MN1: variants seen among roughly 807,000 people sequenced by gnomAD.
MN1 encodes MN1 proto-oncogene, transcriptional regulator.
Under a neutral mutation model 86.9 loss-of-function variants are expected in MN1, and 19 were observed. The ratio of observed to expected loss-of-function variants is 0.22; its 90% CI spans 0.15 to 0.32. MN1 has a LOEUF of 0.32. Among genes scored for constraint, MN1 ranks in the 10% least tolerant of loss-of-function variants. The pLI is 1.00. For missense variants in MN1, 1,841 were observed against 1,862.0 expected (o/e 0.99, Z 0.21); for synonymous variants, 928 against 849.6 (o/e 1.09, Z -1.60).
At position 27,749,104 on chromosome 22, in the gene MN1, C is replaced by T. The variant is rs1932732734; in HGVS notation, c.*1811G>A. 2 of 232,020 alleles carry T rather than the reference C, an allele frequency of 8.6e-6. No individual in the cohort carries two copies. The highest frequency in any genetic ancestry group is 4.4e-5 in the African/African-American group (2 of 45,258). The allele number at this position is 232,020 out of a possible 1,614,324, so 14.4% of individuals were successfully genotyped here. A position where few individuals can be genotyped will look rare whatever the true frequency, so the allele number is the denominator to read the frequency against. On this transcript the variant is annotated 3_prime_UTR_variant, in exon 2 of 2. Transcript: ENST00000302326. ...CTGCCCTCTGAAGGCGGGGTTTGCT[C>T]CTCGTCAAGACTGCCCAGGCGAGAA...
At position 27,797,823 on chromosome 22, in the gene MN1, G is replaced by A. The variant is rs751873201; in HGVS notation, c.2721C>T (p.Pro907=). ...SSSGSKASGP[P]NPPAQGDGTS... ...TGCCGTCCCCCTGGGCTGGAGGGTT[G>A]GGCGGCCCCGAGGCTTTGGAGCCGC... The change falls in exon 1 of 2, where the codon CCC becomes CCT. Residue 907 remains proline (P), a synonymous_variant. Coordinates refer to ENST00000302326, the MANE Select transcript of MN1 (RefSeq NM_002430.3). The A allele has an allele frequency of 1.9e-6, 3 of 1,581,478 alleles. No individual in the cohort carries two copies. The highest frequency in any genetic ancestry group is 2.3e-5 in the South Asian group (2 of 87,010).
chr22:27,780,478 G>A (rs552485200), intron 1 of MN1, among the ~76,000 whole-genome samples: 17 of 152,312 alleles, frequency 1.1e-4, no homozygotes, highest in African/African-American at 4.1e-4. Context: ...CCGGCTGACA[G>A]CTGACATCAC....
rs754870343 is a variant in MN1, at chr22:27,796,749, G to A, written c.3781+14C>T. 4.5e-6 allele frequency: 7 copies of A among 1,570,368 alleles called. No homozygotes were observed. Among genetic ancestry groups the A allele is most frequent in the African/African-American group, 4.0e-5 (3 of 74,300 alleles). On this transcript the variant is annotated intron_variant, in intron 1 of 1. Coordinates refer to ENST00000302326, the MANE Select transcript of MN1 (RefSeq NM_002430.3). ...GTCACCCGGGAAGTGAGAGGAAAAC[G>A]AGTGTGCATATACCTTCTTTGCTGT... is the stretch of plus-strand genomic sequence containing the variant.
Position 27,797,113 on chromosome 22 carries a change from G to C in MN1, c.3431C>G (p.Ala1144Gly), listed in dbSNP as rs756929211. The C allele has an allele frequency of 6.3e-7, 1 of 1,594,330 alleles. No homozygotes were observed. The highest frequency in any genetic ancestry group is 1.7e-5 in the Admixed American group (1 of 57,746). The part of the protein sequence containing the change: ...QVRTPTSSSG[A>G]PPPDEIHPLE... ...GGGGTGGATCTCGTCGGGTGGCGGG[G>C]CGCCGCTGCTGCTCGTCGGGGTGCG... Residue 1144 changes from alanine (A) to glycine (G), a missense_variant, in exon 1 of 2, where the codon GCC (alanine) becomes GGC (glycine). Ala to Gly is a moderately conservative substitution (Grantham distance 60). Coordinates refer to ENST00000302326, the MANE Select transcript of MN1 (RefSeq NM_002430.3).
At chr22:27,788,456 G>A (rs796501062) in intron 1 of MN1, among the ~76,000 whole-genome samples, 4 of 152,116 alleles carry the variant, frequency 2.6e-5, no homozygotes, top group African/African-American at 9.6e-5. Context: ...TTCAAAGCAG[G>A]CTAGGTTTTC....
At chr22:27,769,679 G>A (rs573918144) in intron 1 of MN1, among the ~76,000 whole-genome samples, 10 of 147,594 alleles carry the variant, frequency 6.8e-5, no homozygotes, top group South Asian at 2.2e-4. Flanking sequence ...TCAGCCTCCC[G>A]AGTAGCTGGG....
chr22:27,762,219 G>A (rs946115886), intron 1 of MN1, among the ~76,000 whole-genome samples: 2 of 152,218 alleles, frequency 1.3e-5, no homozygotes, highest in Non-Finnish European at 2.9e-5. Flanking sequence ...AGGGCCAGTC[G>A]CTTAGCCTGC....
intron 1 of MN1, among the ~76,000 whole-genome samples, chr22:27,767,697 C>T (rs1932880143): frequency 6.6e-6 from 1 of 151,992 alleles, no homozygotes; most frequent in Admixed American, 6.6e-5. Context: ...GCATGGAAAT[C>T]GGTGAAATTA....
rs542100085 is a variant in MN1 at position 27,799,567 on chromosome 22, C to T, written c.977G>A (p.Gly326Asp). ...RFSGARKMPV[G>D]LEPSVGSRHP... ...CCTGGAGCCCACTGAGGGCTCCAGA[C>T]CCACAGGCATCTTTCTGGCCCCACT... Residue 326 changes from glycine (G) to aspartate (D), a missense_variant, in exon 1 of 2, where the codon GGT becomes GAT. Gly to Asp is a moderately conservative substitution (Grantham distance 94). Coordinates refer to ENST00000302326, the MANE Select transcript of MN1 (RefSeq NM_002430.3). The T allele has an allele frequency of 1.2e-5, 18 of 1,493,650 alleles. No individual in the cohort carries two copies. Among genetic ancestry groups the T allele is most frequent in the Middle Eastern group, 3.6e-4 (2 of 5,536 alleles). 92.5% of individuals were successfully genotyped at this position (1,493,650 alleles called of 1,614,324 possible). A position where few individuals can be genotyped will look rare whatever the true frequency, so the allele number is the denominator to read the frequency against.
intron 1 of MN1, among the ~76,000 whole-genome samples, chr22:27,763,472 C>T (rs1932847925): frequency 6.6e-6 from 1 of 152,244 alleles, no homozygotes; most frequent in African/African-American, 2.4e-5. Context: ...ATCCCTGCCA[C>T]TGTTGGGTTG....
At chr22:27,784,109 C>T (rs981870310) in intron 1 of MN1, among the ~76,000 whole-genome samples, 6 of 152,212 alleles carry the variant, frequency 3.9e-5, no homozygotes, top group Non-Finnish European at 8.8e-5. Flanking sequence ...GAAGCAGCCC[C>T]TTTCCCAGAA....
intron 1 of MN1, among the ~76,000 whole-genome samples, chr22:27,759,344 CAA>C (rs10598698): frequency 0.067 from 10,133 of 152,240 alleles, 493 homozygotes; most frequent in Middle Eastern, 0.13. Flanking sequence ...CTGGGAAACT[CAA>C]AGACTCTGGG....
chr22:27,754,203 C>A (rs1228749960), intron 1 of MN1, among the ~76,000 whole-genome samples: 1 of 152,128 alleles, frequency 6.6e-6, no homozygotes, highest in Non-Finnish European at 1.5e-5. Context: ...TAAGACAGAC[C>A]CAAATGGCCA....
chr22:27,773,058 G>A (rs1171975747), intron 1 of MN1, among the ~76,000 whole-genome samples: 1 of 151,828 alleles, frequency 6.6e-6, no homozygotes, highest in East Asian at 2.0e-4. Context: ...GCACAAACAA[G>A]GCCCCGAACA....
At position 27,799,828 on chromosome 22, in the gene MN1, G is replaced by T; in HGVS notation, c.716C>A (p.Ala239Glu). Residue 239 changes from alanine to glutamate, a missense_variant, in exon 1 of 2, where the codon GCG becomes GAG. Ala to Glu is a moderately radical substitution (Grantham distance 107). Coordinates refer to ENST00000302326, the MANE Select transcript of MN1 (RefSeq NM_002430.3). Reference sequence around the variant, plus strand: ...AAACATGTCAAAATGTCCCGAGGGCGCCTCGCCCGGGTAATTGTATTCCAG... The same window carrying T: ...AAACATGTCAAAATGTCCCGAGGGCTCCTCGCCCGGGTAATTGTATTCCAG... The part of the protein sequence containing the change: ...DSLEYNYPGE[A>E]PSGHFDMFSP... The T allele has an allele frequency of 1.3e-6, 2 of 1,596,478 alleles. No individual in the cohort carries two copies. Among genetic ancestry groups the T allele is most frequent in the Admixed American group, 1.7e-5 (1 of 58,486 alleles).
Position 27,798,352 on chromosome 22 carries a change from G to A in MN1, c.2192C>T (p.Pro731Leu). The change falls in exon 1 of 2, where the codon CCG (proline) becomes CTG (leucine). Residue 731 changes from proline (P) to leucine (L), a missense_variant. Coordinates refer to ENST00000302326, the MANE Select transcript of MN1 (RefSeq NM_002430.3). The part of the protein sequence containing the change: ...LPSAASERRP[P>L]PPDFATSALG... ...CGCAGACGTAGCAAAGTCCGGCGGCGGGGGCCGGCGCTCCGAAGCAGCGCT... is the reference window on the plus strand; with the variant it reads ...CGCAGACGTAGCAAAGTCCGGCGGCAGGGGCCGGCGCTCCGAAGCAGCGCT... The A allele has an allele frequency of 1.3e-6, 2 of 1,504,836 alleles. No homozygotes were observed. The highest frequency in any genetic ancestry group is 2.2e-5 in the Admixed American group (1 of 45,648). 93.2% of individuals were successfully genotyped at this position (1,504,836 alleles called of 1,614,324 possible). A position where few individuals can be genotyped will look rare whatever the true frequency, so the allele number is the denominator to read the frequency against.
chr22:27,748,763 A>C lies in MN1; in HGVS notation c.*2152T>G, dbSNP rs1321641349. 4.5e-6 allele frequency: 1 copy of C among 223,410 alleles called. No individual in the cohort carries two copies. The highest frequency in any genetic ancestry group is 6.5e-5 in the East Asian group (1 of 15,318). 13.8% of individuals were successfully genotyped at this position (223,410 alleles called of 1,614,324 possible). On this transcript the variant is annotated 3_prime_UTR_variant, in exon 2 of 2. Coordinates refer to ENST00000302326, the MANE Select transcript of MN1 (RefSeq NM_002430.3). ...TTCAGGGGTTTCTGAGGTTGCCAGGACCATGAGCTAATTGGCAAAGTGTTG... is the reference window on the plus strand; with the variant it reads ...TTCAGGGGTTTCTGAGGTTGCCAGGCCCATGAGCTAATTGGCAAAGTGTTG...
intron 1 of MN1, among the ~76,000 whole-genome samples, chr22:27,757,601 T>C (rs1418800439): frequency 2.0e-5 from 3 of 152,046 alleles, no homozygotes. Flanking sequence ...CAAAGGGAAA[T>C]GTATTTTGGT....
At position 27,798,020 on chromosome 22, in the gene MN1, G is replaced by C. The variant is rs1933334843; in HGVS notation, c.2524C>G (p.Pro842Ala). ...TTGTTGAAGGTCACGTTGAGGTTGG[G>C]GGCCCCGAGGCTGGCGATCATGTTC... ...CQNMIASLGA[P>A]NLNVTFNKKN... is the part of the protein sequence containing the mutation. The change falls in exon 1 of 2, where the codon CCC becomes GCC. Residue 842 changes from proline (P) to alanine (A), a missense_variant. Pro to Ala is a conservative substitution (Grantham distance 27, BLOSUM62 -1). Transcript: ENST00000302326. The C allele has an allele frequency of 6.2e-7, 1 of 1,604,894 alleles. No individual in the cohort carries two copies. Among genetic ancestry groups the C allele is most frequent in the East Asian group, 2.2e-5 (1 of 44,800 alleles).
Sources: gnomAD v4.1 joint callset for allele counts (sites outside exome capture counted in the v4.1 genomes callset) on GRCh38, gnomAD v4.1.1 for gene constraint, MANE v1.5 for transcripts, NCBI Gene and HGNC (gene_info 2026-07-23, HGNC 2026-07-21) for gene names.